ABCG1: variants seen among roughly 807,000 people sequenced by gnomAD.
ABCG1 encodes the protein ATP-binding cassette sub-family G member 1.
A neutral mutation model predicts 69.2 loss-of-function variants in ABCG1; 29 were observed. The ratio of observed to expected loss-of-function variants is 0.42; its 90% CI spans 0.31 to 0.57. ABCG1 has a LOEUF of 0.57. Among genes scored for constraint, ABCG1 ranks in the 20% least tolerant of loss-of-function variants. The probability of loss-of-function intolerance (pLI) is 0.15; values close to 1 mark genes in which losing one functional copy is unlikely to be tolerated. For missense variants in ABCG1, 718 were observed against 898.1 expected (o/e 0.80, Z 2.56); for synonymous variants, 370 against 374.8 (o/e 0.99, Z 0.15).
chr21:42,249,749 T>G (rs2068189207), intron 2 of ABCG1, among the ~76,000 whole-genome samples: 1 of 152,128 alleles, frequency 6.6e-6, no homozygotes, highest in Non-Finnish European at 1.5e-5. Flanking sequence ...CTCACACCTG[T>G]AATCCCGGCA....
At chr21:42,209,810 T>A (rs770261744) in intron 2 of ABCG1, among the ~76,000 whole-genome samples, 10 of 152,202 alleles carry the variant, frequency 6.6e-5, no homozygotes, top group Non-Finnish European at 1.3e-4. Context: ...CTTGAAACAG[T>A]CTTCTGAGGT....
chr21:42,296,174 G>A lies in ABCG1; in HGVS notation c.1783G>A (p.Glu595Lys), dbSNP rs768973015. 3 of 1,614,036 alleles carry A rather than the reference G, an allele frequency of 1.9e-6. No homozygotes were observed. Among genetic ancestry groups the A allele is most frequent in the Admixed American group, 1.7e-5 (1 of 59,994 alleles). Reference sequence around the variant, plus strand: ...GGCCTTTCCTCCTAGGTATGGGTTCGAAGGGGTCATCCTCTCCATCTATGG... The same window carrying A: ...GGCCTTTCCTCCTAGGTATGGGTTCAAAGGGGTCATCCTCTCCATCTATGG... ...SYISYVRYGF[E>K]GVILSIYGLD... Residue 595 changes from glutamate to lysine, a missense_variant, in exon 15 of 15, where the codon GAA (glutamate) becomes AAA (lysine). By Grantham distance (56) the Glu-to-Lys change is moderately conservative. Coordinates refer to ENST00000398449, the MANE Select transcript of ABCG1 (RefSeq NM_016818.3). The surrounding 1 kb of genome is among the most constrained non-coding windows in gnomAD (Gnocchi z 5.4).
chr21:42,217,991 A>G (rs527365229), upstream of ABCG1, among the ~76,000 whole-genome samples: 3 of 152,244 alleles, frequency 2.0e-5, no homozygotes, highest in East Asian at 5.8e-4. Context: ...AGACAACACC[A>G]TTCAGACAAA....
chr21:42,274,721 C>T (rs553286508), intron 4 of ABCG1, among the ~76,000 whole-genome samples: 1 of 152,102 alleles, frequency 6.6e-6, no homozygotes, highest in Non-Finnish European at 1.5e-5. Context: ...GATCTGCCCA[C>T]CTCAGCCTCC....
upstream of ABCG1, among the ~76,000 whole-genome samples, chr21:42,213,715 T>C (rs2067611587): frequency 6.6e-6 from 1 of 152,260 alleles, no homozygotes; most frequent in Admixed American, 6.5e-5. Flanking sequence ...GGTGGGACCA[T>C]GGAGTCAAAG....
chr21:42,249,615 A>G (rs1310766508), intron 2 of ABCG1, among the ~76,000 whole-genome samples: 1 of 152,234 alleles, frequency 6.6e-6, no homozygotes, highest in Non-Finnish European at 1.5e-5. Flanking sequence ...GTAGATCTAT[A>G]TAAGCATCAG....
chr21:42,263,596 G>T (rs1397685863), intron 2 of ABCG1, among the ~76,000 whole-genome samples: 1 of 152,180 alleles, frequency 6.6e-6, no homozygotes. Context: ...ACTCAGAAGT[G>T]AACACAACAG....
At chr21:42,277,534 C>G (rs769354576) in intron 5 of ABCG1, among the ~76,000 whole-genome samples, 2 of 152,084 alleles carry the variant, frequency 1.3e-5, no homozygotes, top group African/African-American at 2.4e-5. Flanking sequence ...CCAGGGGGAG[C>G]AGCAGAAAGC....
chr21:42,233,341 T>C (rs2067928439), intron 2 of ABCG1, among the ~76,000 whole-genome samples: 1 of 152,216 alleles, frequency 6.6e-6, no homozygotes, highest in Non-Finnish European at 1.5e-5. Flanking sequence ...CGTGCTGCCG[T>C]AGCCCGCCCT....
intron 2 of ABCG1, among the ~76,000 whole-genome samples, chr21:42,253,308 A>G (rs755603758): frequency 2.0e-5 from 3 of 152,146 alleles, no homozygotes; most frequent in Non-Finnish European, 4.4e-5. Context: ...CAGACCAGAG[A>G]TGAGCCGGCA....
intron 5 of ABCG1, among the ~76,000 whole-genome samples, chr21:42,280,804 C>A (rs1008157359): frequency 6.6e-6 from 1 of 152,226 alleles, no homozygotes; most frequent in Non-Finnish European, 1.5e-5. Context: ...CGGCCAAGAG[C>A]GTCGCCCAGT....
At chr21:42,267,212 C>T (rs60333190) in intron 2 of ABCG1, among the ~76,000 whole-genome samples, 10,874 of 152,228 alleles carry the variant, frequency 0.071, 1,244 homozygotes, top group African/African-American at 0.24. Context: ...AGCGCTCTCG[C>T]GGGTTCTGGT....
intron 2 of ABCG1, among the ~76,000 whole-genome samples, chr21:42,208,645 G>T (rs1378574): frequency 0.025 from 3,868 of 151,940 alleles, 163 homozygotes; most frequent in African/African-American, 0.088. Context: ...ATCCTTTTTC[G>T]GGGCTTTATG....
chr21:42,215,368 G>C (rs79417317), upstream of ABCG1, among the ~76,000 whole-genome samples: 34 of 152,310 alleles, frequency 2.2e-4, 1 homozygote, highest in East Asian at 6.6e-3. Flanking sequence ...TCAGCAGCTG[G>C]AAGTCCACAG....
In ABCG1 at chr21:42,296,077, G is replaced by C. The variant is rs891035830; in HGVS notation, c.1773-87G>C. 1 of 1,141,548 alleles carries C rather than the reference G, an allele frequency of 8.8e-7. No individual in the cohort carries two copies. Among genetic ancestry groups the C allele is most frequent in the Non-Finnish European group, 1.3e-6 (1 of 761,250 alleles). 70.7% of individuals were successfully genotyped at this position (1,141,548 alleles called of 1,614,324 possible). A position where few individuals can be genotyped will look rare whatever the true frequency, so the allele number is the denominator to read the frequency against. ...AGGGAGGATAGCCAAGCTGGGAATC[G>C]CAGGGAGGGTGAACGACATTGACCT... On this transcript the variant is annotated intron_variant, in intron 14 of 14. Coordinates refer to ENST00000398449, the MANE Select transcript of ABCG1 (RefSeq NM_016818.3). The surrounding 1 kb of genome is among the most constrained non-coding windows in gnomAD (Gnocchi z 5.4).
Position 42,219,227 on chromosome 21 carries a change from C to T in ABCG1, c.-36C>T, listed in dbSNP as rs1003317222. 1 of 1,089,452 alleles carries T rather than the reference C, an allele frequency of 9.2e-7. No homozygotes were observed. Among genetic ancestry groups the T allele is most frequent in the East Asian group, 4.5e-5 (1 of 22,360 alleles). The allele number at this position is 1,089,452 out of a possible 1,614,324, so 67.5% of individuals were successfully genotyped here. ...CCCGCAGCTCAAGCCTCGTCCCCGC[C>T]GCCGCCGCCGCCGCCGCCGCCGCCG... On this transcript the variant is annotated 5_prime_UTR_variant, in exon 1 of 15. Coordinates refer to ENST00000398449, the MANE Select transcript of ABCG1 (RefSeq NM_016818.3). This position sits in a 1 kb window ranked among gnomAD's most constrained non-coding sequence, Gnocchi z 5.3.
intron 2 of ABCG1, among the ~76,000 whole-genome samples, chr21:42,236,543 C>A (rs376507911): frequency 6.6e-6 from 1 of 152,238 alleles, no homozygotes; most frequent in Non-Finnish European, 1.5e-5. Context: ...GTCTTTCAGA[C>A]GCTTTGCTCA....
intron 2 of ABCG1, chr21:42,256,323 G>C (rs985421032): frequency 1.9e-6 from 3 of 1,549,456 alleles, no homozygotes; most frequent in Non-Finnish European, 2.6e-6. Flanking sequence ...ACAGAGGGTG[G>C]GCCCTCTCTG....
At chr21:42,216,413 G>C (rs368208564), upstream of ABCG1, among the ~76,000 whole-genome samples, 3 of 152,154 alleles carry the variant, frequency 2.0e-5, no homozygotes, top group African/African-American at 7.2e-5. Flanking sequence ...AGAATGCCTC[G>C]AAAAGTCTTG....
Sources: allele counts gnomAD v4.1 joint callset (sites outside exome capture counted in the v4.1 genomes callset), GRCh38; gene constraint gnomAD v4.1.1; non-coding constraint Gnocchi (gnomAD v3.1); transcripts MANE v1.5; gene names NCBI Gene and HGNC (gene_info 2026-07-23, HGNC 2026-07-21).